Variants in ARHGEF12 observed in about 807,000 individuals in gnomAD.
ARHGEF12 encodes the protein Rho guanine nucleotide exchange factor 12.
ARHGEF12 carries 66 observed loss-of-function variants against 211.2 expected under a neutral mutation model. The ratio of observed to expected loss-of-function variants is 0.31; its 90% CI spans 0.26 to 0.38. The LOEUF (loss-of-function observed/expected upper bound fraction) is 0.38. Among genes scored for constraint, ARHGEF12 ranks in the 10% least tolerant of loss-of-function variants. ARHGEF12 has a pLI of 1.00. For synonymous variants in ARHGEF12, 592 were observed against 638.4 expected (o/e 0.93, Z 1.09); for missense variants, 1,429 against 1,869.5 (o/e 0.76, Z 4.34).
At chr11:120,429,320 C>T in intron 8 of ARHGEF12, 120 bp from the exon 9 acceptor site, 2 of 701,472 alleles carry the variant, frequency 2.9e-6, no homozygotes, top group Non-Finnish European at 4.7e-6. Flanking sequence ...AAGTAAAAAC[C>T]TAATAGGTAT....
chr11:120,395,573 AG>A (rs899254687), intron 1 of ARHGEF12, among the ~76,000 whole-genome samples: 2 of 152,212 alleles, frequency 1.3e-5, no homozygotes, highest in African/African-American at 4.8e-5. Flanking sequence ...TAAAGGAAAG[AG>A]GTTTAATTGA....
chr11:120,480,370 C>A lies in ARHGEF12; in HGVS notation c.4177C>A (p.Pro1393Thr), dbSNP rs771365337. 6.2e-7 allele frequency: 1 copy of A among 1,614,096 alleles called. No individual in the cohort carries two copies. Among genetic ancestry groups the A allele is most frequent in the African/African-American group, 1.3e-5 (1 of 75,032 alleles). ...CCGTGAAGCACATAGTGATGAGAAT[C>A]CATCAGAAGGTGATGGAGCAGTTAA... ...DAREAHSDEN[P>T]SEGDGAVNKE... Residue 1393 changes from proline (P) to threonine (T), a missense_variant, in exon 38 of 41, where the codon CCA becomes ACA. By Grantham distance (38) the Pro-to-Thr change is conservative. Coordinates refer to ENST00000397843, the MANE Select transcript of ARHGEF12 (RefSeq NM_015313.3).
intron 1 of ARHGEF12, among the ~76,000 whole-genome samples, chr11:120,383,057 C>G (rs144369392): frequency 6.6e-6 from 1 of 151,882 alleles, no homozygotes. Context: ...GGGAATGGCG[C>G]GAACCCAGGA....
intron 10 of ARHGEF12, 29 bp from the exon 11 acceptor site, chr11:120,431,742 T>TGC: frequency 1.3e-6 from 2 of 1,550,972 alleles, no homozygotes; most frequent in Non-Finnish European, 1.7e-6. Flanking sequence ...TGTGTTTGTG[T>TGC]GCGCGTGTTT....
intron 1 of ARHGEF12, among the ~76,000 whole-genome samples, chr11:120,362,471 C>T (rs1373579306): frequency 1.3e-5 from 2 of 152,140 alleles, no homozygotes; most frequent in Non-Finnish European, 2.9e-5. Context: ...TGTATAATCT[C>T]AACCCGTTGT....
At chr11:120,400,974 A>C (rs1251860303) in intron 1 of ARHGEF12, among the ~76,000 whole-genome samples, 3 of 152,196 alleles carry the variant, frequency 2.0e-5, no homozygotes, top group African/African-American at 7.2e-5. Context: ...CCAGAGGCTT[A>C]AAACAAAGAA....
At chr11:120,376,827 T>C (rs1049943816) in intron 1 of ARHGEF12, among the ~76,000 whole-genome samples, 3 of 152,158 alleles carry the variant, frequency 2.0e-5, no homozygotes, top group African/African-American at 7.2e-5. Flanking sequence ...GGTAAACATC[T>C]TTCTATCTCC....
At chr11:120,347,154 T>G (rs1942766642) in intron 1 of ARHGEF12, among the ~76,000 whole-genome samples, 1 of 102,766 alleles carries the variant, frequency 9.7e-6, no homozygotes, top group Non-Finnish European at 2.1e-5. Flanking sequence ...CTTCCTTCCT[T>G]CCTTCCTTCC....
intron 35 of ARHGEF12, 64 bp downstream of exon 35, chr11:120,477,369 A>G (rs1279655592): frequency 6.2e-7 from 1 of 1,600,444 alleles, no homozygotes; most frequent in Non-Finnish European, 8.5e-7. Flanking sequence ...AGACTAGGAT[A>G]ATTATTATGT....
intron 15 of ARHGEF12, 61 bp downstream of exon 15, chr11:120,442,263 C>A: frequency 8.2e-7 from 1 of 1,224,494 alleles, no homozygotes. Context: ...TGTCCTCCTG[C>A]TTCCTATCTT....
At chr11:120,374,053 C>T (rs61900793) in intron 1 of ARHGEF12, among the ~76,000 whole-genome samples, 15 of 152,116 alleles carry the variant, frequency 9.9e-5, no homozygotes, top group African/African-American at 2.9e-4. Context: ...GTGATCCGCC[C>T]GCCTTGGCCT....
intron 1 of ARHGEF12, among the ~76,000 whole-genome samples, chr11:120,403,988 CT>C (rs746779984): frequency 2.6e-5 from 4 of 152,202 alleles, no homozygotes; most frequent in Non-Finnish European, 4.4e-5. Context: ...TCTGATCTTC[CT>C]TCCCTTCTGG....
At chr11:120,429,676 G>T (rs769641099) in intron 9 of ARHGEF12, 36 bp from the exon 10 acceptor site, 2 of 1,589,106 alleles carry the variant, frequency 1.3e-6, no homozygotes, top group South Asian at 2.3e-5. Context: ...TTTTACATAA[G>T]TAATTAATTC....
intron 1 of ARHGEF12, among the ~76,000 whole-genome samples, chr11:120,384,097 A>T (rs900155287): frequency 3.3e-5 from 5 of 152,188 alleles, no homozygotes; most frequent in Non-Finnish European, 7.3e-5. Context: ...AGGAAGTCTA[A>T]TGATAGCCAC....
chr11:120,371,880 C>T (rs192318078), intron 1 of ARHGEF12, among the ~76,000 whole-genome samples: 2 of 152,332 alleles, frequency 1.3e-5, no homozygotes, highest in East Asian at 3.9e-4. Flanking sequence ...GGAACAATAT[C>T]TGCTACAACA....
chr11:120,348,203 C>T (rs1042742446), intron 1 of ARHGEF12, among the ~76,000 whole-genome samples: 2 of 152,066 alleles, frequency 1.3e-5, no homozygotes, highest in Non-Finnish European at 2.9e-5. Context: ...AAGGAAAAAC[C>T]AGTTTTACAG....
At chr11:120,438,498 A>T (rs1192811817) in intron 12 of ARHGEF12, 1 of 152,160 alleles carries the variant, frequency 6.6e-6, no homozygotes, top group African/African-American at 2.4e-5. Context: ...AGAAAATAAT[A>T]AGAGTTGTTA....
chr11:120,406,064 C>A (rs956689265), intron 1 of ARHGEF12, 54 bp from the exon 2 acceptor site: 1 of 1,367,578 alleles, frequency 7.3e-7, no homozygotes, highest in Non-Finnish European at 1.0e-6. Context: ...AATTTAGTAA[C>A]AAAATCTTAC....
At chr11:120,452,402 C>T (rs1392821002) in intron 22 of ARHGEF12, among the ~76,000 whole-genome samples, 1 of 152,074 alleles carries the variant, frequency 6.6e-6, no homozygotes, top group East Asian at 1.9e-4. Flanking sequence ...TGTCTTCATC[C>T]TTGTTTGGGA....
Sources: allele counts gnomAD v4.1 joint callset (sites outside exome capture counted in the v4.1 genomes callset), GRCh38; gene constraint gnomAD v4.1.1; transcripts MANE v1.5; gene names NCBI Gene and HGNC (gene_info 2026-07-23, HGNC 2026-07-21).